The following PEX11G variants were observed in gnomAD, a reference collection of about 807,000 sequenced individuals.
PEX11G encodes the protein peroxisomal biogenesis factor 11 gamma.
PEX11G carries 20 observed loss-of-function variants against 22.5 expected under a neutral mutation model. The ratio of observed to expected loss-of-function variants is 0.89; its 90% CI spans 0.62 to 1.29. The LOEUF is 1.29. Among genes scored for constraint, PEX11G ranks in the 50% most tolerant of loss-of-function variants. The probability of loss-of-function intolerance (pLI) is 0.00; values close to 1 mark genes in which losing one functional copy is unlikely to be tolerated. For missense variants in PEX11G, 347 were observed against 331.3 expected (o/e 1.05, Z -0.37); for synonymous variants, 141 against 154.5 (o/e 0.91, Z 0.65).
At chr19:7,487,069 AAAAAAGCTGGAAGTTT>A (rs1468347382) in intron 1 of PEX11G, among the ~76,000 whole-genome samples, 1 of 152,178 alleles carries the variant, frequency 6.6e-6, no homozygotes, top group African/African-American at 2.4e-5. Flanking sequence ...GAAAAAGAAA[AAAAAAGCTGGAAGTTT>A]AAAAACATAC....
At position 7,477,121 on chromosome 19, in the gene PEX11G, G is replaced by T; in HGVS notation, c.*81C>A. On this transcript the variant is annotated 3_prime_UTR_variant, in exon 5 of 5. Coordinates refer to ENST00000221480, the MANE Select transcript of PEX11G (RefSeq NM_080662.4). ...CCACAGGCAGCTCCATGAGAGCCCCGGCCCCTGCCCTGGCGGCTTCTGCTT... is the reference window on the plus strand; with the variant it reads ...CCACAGGCAGCTCCATGAGAGCCCCTGCCCCTGCCCTGGCGGCTTCTGCTT... The T allele has an allele frequency of 7.7e-7, 1 of 1,297,142 alleles. No individual in the cohort carries two copies. Among genetic ancestry groups the T allele is most frequent in the Non-Finnish European group, 1.0e-6 (1 of 989,104 alleles). The allele number at this position is 1,297,142 out of a possible 1,614,324, so 80.4% of individuals were successfully genotyped here. A position where few individuals can be genotyped will look rare whatever the true frequency, so the allele number is the denominator to read the frequency against.
At chr19:7,482,376 C>G (rs987364533) in intron 2 of PEX11G, among the ~76,000 whole-genome samples, 165 bp from the exon 3 acceptor site, 2 of 152,222 alleles carry the variant, frequency 1.3e-5, no homozygotes, top group African/African-American at 4.8e-5. Context: ...CTGGGGTCCC[C>G]GCACAGGCCT....
chr19:7,477,400 C>T lies in PEX11G; in HGVS notation c.528G>A (p.Ala176=), dbSNP rs1241829769. The change falls in exon 5 of 5, where the codon GCG becomes GCA. Residue 176 remains alanine, a synonymous_variant. Coordinates refer to ENST00000221480, the MANE Select transcript of PEX11G (RefSeq NM_080662.4). ...GTGACAGCGCCTCCGACTGCATCTG[C>T]GCCTCCATGGCCCTCCGCTTGCCCC... ...LPRGKRRAME[A]QMQSEALSLL... 5.3e-6 allele frequency: 8 copies of T among 1,522,472 alleles called. No homozygotes were observed. The highest frequency in any genetic ancestry group is 2.5e-5 in the East Asian group (1 of 40,144). 94.3% of individuals were successfully genotyped at this position (1,522,472 alleles called of 1,614,324 possible). A position where few individuals can be genotyped will look rare whatever the true frequency, so the allele number is the denominator to read the frequency against.
At chr19:7,480,582 C>T (rs1977444817) in intron 3 of PEX11G, among the ~76,000 whole-genome samples, 2 of 152,314 alleles carry the variant, frequency 1.3e-5, no homozygotes, top group Non-Finnish European at 2.9e-5. Flanking sequence ...CAGTGGGAGT[C>T]TGGGTTGGAT....
Position 7,477,149 on chromosome 19 carries a change from C to T in PEX11G, c.*53G>A, listed in dbSNP as rs905195381. ...CCCTGCCCTGGCGGCTTCTGCTTTG[C>T]GGGAAGGGCCCTCCGTGGGCTCTGG... On this transcript the variant is annotated 3_prime_UTR_variant, in exon 5 of 5. Transcript: ENST00000221480. 8.7e-6 allele frequency: 12 copies of T among 1,383,686 alleles called. No individual in the cohort carries two copies. The highest frequency in any genetic ancestry group is 1.5e-5 in the African/African-American group (1 of 66,386). The allele number at this position is 1,383,686 out of a possible 1,614,324, so 85.7% of individuals were successfully genotyped here.
upstream of PEX11G, among the ~76,000 whole-genome samples, chr19:7,492,713 A>G (rs2021912184): frequency 6.6e-6 from 1 of 152,140 alleles, no homozygotes; most frequent in African/African-American, 2.4e-5. Context: ...AAGTGCTGGG[A>G]TTATAGGCGT....
At chr19:7,485,200 G>C (rs767781021) in intron 2 of PEX11G, among the ~76,000 whole-genome samples, 2 of 151,972 alleles carry the variant, frequency 1.3e-5, no homozygotes, top group Admixed American at 1.3e-4. Context: ...ATGGAGTCTC[G>C]CTCCATTGCC....
intron 2 of PEX11G, chr19:7,483,411 T>A (rs1197643223): frequency 6.6e-6 from 1 of 152,496 alleles, no homozygotes; most frequent in African/African-American, 2.4e-5. Flanking sequence ...CAGGCTAGAC[T>A]CTGGGGAGGG....
chr19:7,490,473 G>T (rs938053519), upstream of PEX11G, among the ~76,000 whole-genome samples: 1 of 147,050 alleles, frequency 6.8e-6, no homozygotes, highest in Non-Finnish European at 1.5e-5. Flanking sequence ...ACAGGCGCCC[G>T]CCACCACGCC....
intron 2 of PEX11G, among the ~76,000 whole-genome samples, chr19:7,482,600 G>A (rs148663746): frequency 2.0e-5 from 3 of 152,350 alleles, no homozygotes; most frequent in African/African-American, 7.2e-5. Context: ...CAAGTTGGGA[G>A]CCCTGTGTCA....
chr19:7,478,488 G>A lies in PEX11G; in HGVS notation c.429-112C>T, dbSNP rs1016371186. ...GACAGGTGCTGCATCTCGGATAAAC[G>A]GCCTGCCCTCTCCCTGCCCCCACAG... On this transcript the variant is annotated intron_variant, in intron 3 of 4. Transcript: ENST00000221480. 24 of 1,138,990 alleles carry A rather than the reference G, an allele frequency of 2.1e-5. No individual in the cohort carries two copies. In the African/African-American group the frequency reaches 2.1e-4, roughly 10 times the overall value. The allele number at this position is 1,138,990 out of a possible 1,614,324, so 70.6% of individuals were successfully genotyped here.
intron 2 of PEX11G, among the ~76,000 whole-genome samples, chr19:7,485,360 AGGGTTTTTTTTTTTAGAC>A (rs1180704478): frequency 1.3e-5 from 2 of 149,486 alleles, no homozygotes; most frequent in Non-Finnish European, 3.0e-5. Context: ...CAGTAGAGAC[AGGGTTTTTTTTTTTAGAC>A]GGAGTCTCGC....
intron 2 of PEX11G, among the ~76,000 whole-genome samples, chr19:7,485,370 T>A (rs898130601): frequency 2.0e-5 from 3 of 151,790 alleles, no homozygotes; most frequent in Non-Finnish European, 4.4e-5. Flanking sequence ...AGGGTTTTTT[T>A]TTTTAGACGG....
chr19:7,492,593 C>G (rs1269780962), upstream of PEX11G, among the ~76,000 whole-genome samples: 4 of 152,084 alleles, frequency 2.6e-5, no homozygotes, highest in Non-Finnish European at 4.4e-5. Flanking sequence ...AGCACACCCG[C>G]CACTGTGCCC....
intron 3 of PEX11G, among the ~76,000 whole-genome samples, chr19:7,480,771 G>A (rs1345136492): frequency 6.6e-6 from 1 of 152,152 alleles, no homozygotes; most frequent in Non-Finnish European, 1.5e-5. Context: ...GAGGCTGGGG[G>A]CAGCCGCACC....
At chr19:7,480,746 G>C (rs956988780) in intron 3 of PEX11G, among the ~76,000 whole-genome samples, 1 of 152,106 alleles carries the variant, frequency 6.6e-6, no homozygotes, top group Non-Finnish European at 1.5e-5. Context: ...CCCAGAAAAA[G>C]GACACAGCCT....
chr19:7,486,289 G>A (rs1347904105), intron 1 of PEX11G, among the ~76,000 whole-genome samples: 2 of 151,788 alleles, frequency 1.3e-5, no homozygotes, highest in African/African-American at 4.8e-5. Flanking sequence ...ACCACACCCT[G>A]CTAATTTTTA....
rs775075230 is a variant in PEX11G at position 7,486,030 on chromosome 19, T to C, written c.61-4A>G. ...AGCAGTACCCCAGCACTCGGATCTGTGGGAAACCAGAAGCAGTCAGTGTGG... is the reference window on the plus strand; with the variant it reads ...AGCAGTACCCCAGCACTCGGATCTGCGGGAAACCAGAAGCAGTCAGTGTGG... On this transcript the variant is annotated splice_polypyrimidine_tract_variant and splice_region_variant and intron_variant, in intron 1 of 4. Coordinates refer to ENST00000221480, the MANE Select transcript of PEX11G (RefSeq NM_080662.4). The C allele has an allele frequency of 3.5e-5, 55 of 1,581,808 alleles. No individual in the cohort carries two copies. Among genetic ancestry groups the C allele is most frequent in the Non-Finnish European group, 4.7e-5 (54 of 1,157,328 alleles).
Position 7,488,973 on chromosome 19 carries a change from G to T in PEX11G, c.38C>A (p.Ser13Ter), listed in dbSNP as rs200516760. 809 of 1,554,694 alleles carry T rather than the reference G, an allele frequency of 5.2e-4. 4 individuals carry two copies. In the African/African-American group the frequency reaches 6.9e-3, roughly 13 times the overall value. ...SLSGLASALE[S>*]YRGRDRLIRV... ...CACCAGGCGGTCCCGGCCCCTGTAC[G>T]ACTCCAGCGCCGACGCCAGGCCGCT... Residue 13 changes from serine to a stop codon, truncating the protein, a stop_gained, in exon 1 of 5, where the codon TCG (serine) becomes TAG (stop). Transcript: ENST00000221480. LOFTEE classifies it high-confidence loss of function.
Sources: allele counts gnomAD v4.1 joint callset (sites outside exome capture counted in the v4.1 genomes callset), GRCh38; gene constraint gnomAD v4.1.1; transcripts MANE v1.5; gene names NCBI Gene and HGNC (gene_info 2026-07-23, HGNC 2026-07-21).